RNF34: variants seen among roughly 807,000 people sequenced by gnomAD.
RNF34 encodes the protein ring finger protein 34.
A neutral mutation model predicts 37.9 loss-of-function variants in RNF34; 12 were observed. The observed-to-expected ratio is 0.32, with a 90% CI of 0.20 to 0.51. The LOEUF is 0.51. Among genes scored for constraint, RNF34 ranks in the 20% least tolerant of loss-of-function variants. RNF34 has a pLI of 0.97. For synonymous variants in RNF34, 155 were observed against 177.2 expected (o/e 0.87, Z 1.00); for missense variants, 362 against 472.7 (o/e 0.77, Z 2.17).
chr12:121,420,263 G>A lies in RNF34; in HGVS notation c.655G>A (p.Ala219Thr). 2 of 1,606,220 alleles carry A rather than the reference G, an allele frequency of 1.2e-6. No homozygotes were observed. Among genetic ancestry groups the A allele is most frequent in the Non-Finnish European group, 1.7e-6 (2 of 1,174,866 alleles). Reference protein sequence around the residue: ...PAQVQSEITSANTEDDDDDDD... With the variant: ...PAQVQSEITSTNTEDDDDDDD... ...GTAGGTACAAAGTGAAATCACTTCA[G>A]CAAACACAGAAGATGATGATGACGA... Residue 219 changes from alanine to threonine, a missense_variant, in exon 4 of 6, where the codon GCA becomes ACA. Transcript: ENST00000361234.
intron 1 of RNF34, among the ~76,000 whole-genome samples, chr12:121,406,396 T>C (rs1217717566): frequency 6.6e-6 from 1 of 151,602 alleles, no homozygotes; most frequent in African/African-American, 2.4e-5. Flanking sequence ...AAGTGATTCT[T>C]GTGCCTCAAC....
At chr12:121,409,083 G>A (rs1259797413) in intron 1 of RNF34, among the ~76,000 whole-genome samples, 1 of 151,988 alleles carries the variant, frequency 6.6e-6, no homozygotes, top group African/African-American at 2.4e-5. Context: ...AGGTTCAAAC[G>A]ATTCTCCTGC....
chr12:121,418,406 T>TTACAATTA (rs1871778927), intron 3 of RNF34: 1 of 156,592 alleles, frequency 6.4e-6, no homozygotes, highest in African/African-American at 2.4e-5. Context: ...ATTAATAATA[T>TTACAATTA]TGTCCCAGTG....
chr12:121,401,354 C>CAAAAAAAAAAAAAAAAAAAA (rs563285897), intron 1 of RNF34, among the ~76,000 whole-genome samples: 3 of 76,786 alleles, frequency 3.9e-5, no homozygotes, highest in Admixed American at 1.7e-4. Context: ...CTATAGGTAT[C>CAAAAAAAAAAAAAAAAAAAA]AAAAAAAAAA....
Position 121,400,125 on chromosome 12 carries a change from G to T in RNF34, c.-88G>T. The T allele has an allele frequency of 1.3e-6, 2 of 1,493,910 alleles. No homozygotes were observed. The highest frequency in any genetic ancestry group is 1.8e-6 in the Non-Finnish European group (2 of 1,106,814). The allele number at this position is 1,493,910 out of a possible 1,614,324, so 92.5% of individuals were successfully genotyped here. ...CGCCTCCCGGGGCGCGGTAATCACC[G>T]CCCAGAGGGAAGGAGGTCGGCAGTG... On this transcript the variant is annotated 5_prime_UTR_variant, in exon 1 of 6. Transcript: ENST00000361234.
intron 3 of RNF34, chr12:121,419,975 C>A (rs1555282966): frequency 6.0e-6 from 2 of 331,024 alleles, no homozygotes; most frequent in Non-Finnish European, 1.2e-5. Flanking sequence ...CATTATGGGA[C>A]CTTCCTGAGA....
chr12:121,423,388 G>A lies in RNF34; in HGVS notation c.931G>A (p.Gly311Ser), dbSNP rs782203874. 6.2e-7 allele frequency: 1 copy of A among 1,602,450 alleles called. No homozygotes were observed. The change falls in exon 6 of 6, where the codon GGC (glycine) becomes AGC (serine). Residue 311 changes from glycine to serine, a missense_variant and splice_region_variant. Gly to Ser is a moderately conservative substitution (Grantham distance 56). Transcript: ENST00000361234. The surrounding 1 kb of genome is among the most constrained non-coding windows in gnomAD (Gnocchi z 4.3). ...KENEENQKSYGERLQLQDEED... is the reference protein window; with the variant it reads ...KENEENQKSYSERLQLQDEED... ...CTTAGCTCTCTGTTGCCTTTCAGAT[G>A]GCGAGCGGCTGCAGCTGCAGGATGA...
intron 1 of RNF34, chr12:121,402,803 G>C (rs782287651): frequency 4.4e-6 from 7 of 1,599,106 alleles, no homozygotes; most frequent in Non-Finnish European, 5.1e-6. Context: ...CCAAGCATGA[G>C]GAAGGTAACA....
intron 1 of RNF34, chr12:121,404,862 A>G (rs1593648469): frequency 6.6e-6 from 1 of 152,210 alleles, no homozygotes; most frequent in East Asian, 1.9e-4. Flanking sequence ...TTCTGAAAAC[A>G]TATTAGATTA....
In RNF34 at chr12:121,415,781, C is replaced by CA. The variant is rs781859261; in HGVS notation, c.7-375dup. Among the ~76,000 whole-genome samples, 137 of 146,992 alleles carry CA rather than the reference C, an allele frequency of 9.3e-4. 2 individuals are homozygous for CA. Among genetic ancestry groups the CA allele is most frequent in the Middle Eastern group, 3.6e-3 (1 of 278 alleles). On this transcript the variant is annotated intron_variant, in intron 1 of 5. Coordinates refer to ENST00000361234, the MANE Select transcript of RNF34 (RefSeq NM_025126.4). ...GAAAATTTGAATTTCAGATGAAAAACAAAGAATTTTTAGTATATGCATATC... is the reference window on the plus strand; with the variant it reads ...GAAAATTTGAATTTCAGATGAAAAACAAAAGAATTTTTAGTATATGCATATC...
In RNF34 at chr12:121,416,350, G is replaced by C; in HGVS notation, c.198G>C (p.Gly66=). Residue 66 remains glycine (G), a synonymous_variant, in exon 2 of 6, where the codon GGG becomes GGC. Coordinates refer to ENST00000361234, the MANE Select transcript of RNF34 (RefSeq NM_025126.4). Reference sequence around the variant, plus strand: ...CCAACATAGTTTGTAAAGCCTGTGGGCTTTCATTTTCAGTCTTTAGAAAGA... The same window carrying C: ...CCAACATAGTTTGTAAAGCCTGTGGCCTTTCATTTTCAGTCTTTAGAAAGA... ...EGPNIVCKAC[G]LSFSVFRKKH... 1 of 1,613,700 alleles carries C rather than the reference G, an allele frequency of 6.2e-7. No homozygotes were observed. Among genetic ancestry groups the C allele is most frequent in the African/African-American group, 1.3e-5 (1 of 75,010 alleles).
intron 1 of RNF34, among the ~76,000 whole-genome samples, chr12:121,407,553 C>T (rs888669578): frequency 2.0e-5 from 3 of 152,210 alleles, no homozygotes; most frequent in East Asian, 1.9e-4. Context: ...CCAAGGGCTA[C>T]GCCTAGTATG....
intron 1 of RNF34, among the ~76,000 whole-genome samples, chr12:121,403,839 G>T (rs1356118580): frequency 2.6e-5 from 4 of 151,938 alleles, no homozygotes; most frequent in African/African-American, 9.7e-5. Context: ...GAGTCTATGG[G>T]TTTATTATTA....
At chr12:121,405,299 A>G (rs1870416392) in intron 1 of RNF34, among the ~76,000 whole-genome samples, 1 of 152,158 alleles carries the variant, frequency 6.6e-6, no homozygotes, top group East Asian at 1.9e-4. Context: ...TTGGCTCAGT[A>G]CTTTCTGGGA....
Position 121,405,807 on chromosome 12 carries a change from T to C in RNF34, c.6+5589T>C, listed in dbSNP as rs370728950. ...CCTCTGTCTTATTTCTTTTTTTTTT[T>C]TCTTGAGACGGAGTCTTGCTCTGTT... On this transcript the variant is annotated intron_variant, in intron 1 of 5. Coordinates refer to ENST00000361234, the MANE Select transcript of RNF34 (RefSeq NM_025126.4). Among the ~76,000 whole-genome samples, 176 of 149,586 alleles carry C rather than the reference T, an allele frequency of 1.2e-3. 1 individual carries two copies. Among genetic ancestry groups the C allele is most frequent in the African/African-American group, 4.3e-3 (173 of 40,472 alleles).
intron 5 of RNF34, among the ~76,000 whole-genome samples, chr12:121,421,690 TA>T (rs1156619896): frequency 1.3e-5 from 2 of 151,958 alleles, no homozygotes; most frequent in African/African-American, 4.8e-5. Context: ...TTTTTAATTG[TA>T]AAAAAAATAT....
rs1555283010 is a variant in RNF34, at chr12:121,420,239, T to A, written c.634-3T>A. ...CCTAATCAGATACGTTGTATAAGTG[T>A]AGGTACAAAGTGAAATCACTTCAGC... is the stretch of plus-strand genomic sequence containing the variant. On this transcript the variant is annotated splice_region_variant and splice_polypyrimidine_tract_variant and intron_variant, in intron 3 of 5. Coordinates refer to ENST00000361234, the MANE Select transcript of RNF34 (RefSeq NM_025126.4). 1 of 1,609,234 alleles carries A rather than the reference T, an allele frequency of 6.2e-7. No homozygotes were observed. The highest frequency in any genetic ancestry group is 8.5e-7 in the Non-Finnish European group (1 of 1,176,496).
chr12:121,416,696 A>G (rs1871604774), intron 2 of RNF34: 1 of 228,958 alleles, frequency 4.4e-6, no homozygotes, highest in South Asian at 6.0e-5. Context: ...GATTTACTGT[A>G]ACTATGATTC....
intron 1 of RNF34, among the ~76,000 whole-genome samples, chr12:121,402,178 CT>C (rs757315133): frequency 5.8e-4 from 89 of 152,218 alleles, no homozygotes; most frequent in Non-Finnish European, 7.5e-4. Context: ...TAGCTCACGC[CT>C]ATAATCCCAG....
Sources: gnomAD v4.1 joint callset for allele counts (sites outside exome capture counted in the v4.1 genomes callset) on GRCh38, gnomAD v4.1.1 for gene constraint, Gnocchi (gnomAD v3.1) non-coding constraint, MANE v1.5 for transcripts, NCBI Gene and HGNC (gene_info 2026-07-23, HGNC 2026-07-21) for gene names.